PARVB: variants seen among roughly 807,000 people sequenced by gnomAD.
PARVB encodes the protein parvin beta.
In PARVB, 46 loss-of-function variants were observed where a neutral mutation model predicts 47.0. The ratio of observed to expected loss-of-function variants is 0.98; its 90% CI spans 0.77 to 1.25. PARVB has a LOEUF of 1.25. PARVB is among the 50% of genes most tolerant of loss of function. PARVB has a pLI of 0.00. For missense variants in PARVB, 473 were observed against 471.6 expected (o/e 1.00, Z -0.03); for synonymous variants, 196 against 196.3 (o/e 1.00, Z 0.01).
chr22:44,106,135 T>TG, intron 3 of PARVB: 1 of 140,464 alleles, frequency 7.1e-6, no homozygotes, highest in African/African-American at 2.8e-5. Flanking sequence ...CCCAGCCAGA[T>TG]GTGTTTTTTT....
Position 44,024,426 on chromosome 22 carries a change from G to A in PARVB, c.87G>A (p.Leu29=). ...TCCTGGGCAAGCTGGGCGGCACCCT[G>A]GCCAGGAAGCGGAGGGCGCGCGAGG... ...ESFLGKLGGT[L]ARKRRAREVS... is the part of the protein sequence containing the mutation. Residue 29 remains leucine, a synonymous_variant, in exon 1 of 13, where the codon CTG becomes CTA. Coordinates refer to ENST00000338758, the MANE Select transcript of PARVB (RefSeq NM_013327.5). 2 of 1,233,118 alleles carry A rather than the reference G, an allele frequency of 1.6e-6. No homozygotes were observed. The highest frequency in any genetic ancestry group is 1.0e-6 in the Non-Finnish European group (1 of 976,444). 76.4% of individuals were successfully genotyped at this position (1,233,118 alleles called of 1,614,324 possible).
Position 44,137,455 on chromosome 22 carries a change from G to A in PARVB, c.692+937G>A, listed in dbSNP as rs117014006. ...TTCAGCAGTAGGAGAAGGGCTGCTC[G>A]TGGGGAACTGGGATTGGGCTGGTGT... On this transcript the variant is annotated intron_variant, in intron 7 of 12. Transcript: ENST00000338758. 2.3e-3 allele frequency among the ~76,000 whole-genome samples: 356 copies of A among 152,344 alleles called. 1 individual carries two copies. Among genetic ancestry groups the A allele is most frequent in the East Asian group, 0.021 (108 of 5,184 alleles).
At chr22:44,154,831 G>T (rs1569159095) in intron 10 of PARVB, among the ~76,000 whole-genome samples, 1 of 148,106 alleles carries the variant, frequency 6.8e-6, no homozygotes, top group Non-Finnish European at 1.5e-5. Flanking sequence ...TGTGTGGTGT[G>T]TGTTGTGTGT....
intron 10 of PARVB, chr22:44,152,013 A>G: frequency 5.9e-6 from 1 of 169,620 alleles, no homozygotes; most frequent in East Asian, 1.5e-4. Context: ...TCCCCCTTTT[A>G]TCAGGACGTG....
At chr22:44,082,173 G>A (rs2051917551) in intron 1 of PARVB, among the ~76,000 whole-genome samples, 1 of 152,236 alleles carries the variant, frequency 6.6e-6, no homozygotes, top group Non-Finnish European at 1.5e-5. Context: ...CAAGGTGGGG[G>A]CACTGGGCGG....
chr22:44,117,866 CT>C (rs1437219552), intron 3 of PARVB, among the ~76,000 whole-genome samples: 2 of 152,148 alleles, frequency 1.3e-5, no homozygotes, highest in African/African-American at 4.8e-5. Context: ...AAATCACACA[CT>C]CTGTGCCATT....
intron 1 of PARVB, among the ~76,000 whole-genome samples, chr22:44,071,456 AAGG>A (rs1254490815): frequency 1.3e-5 from 2 of 152,150 alleles, no homozygotes; most frequent in South Asian, 2.1e-4. Context: ...CCACCCACGA[AAGG>A]AGGAGGTCTG....
intron 1 of PARVB, chr22:44,081,580 C>T: frequency 1.0e-6 from 1 of 985,270 alleles, no homozygotes; most frequent in Non-Finnish European, 1.2e-6. Context: ...ACGTGCTTCT[C>T]CAGACTTAGC....
intron 1 of PARVB, among the ~76,000 whole-genome samples, chr22:44,055,656 ATCTC>A (rs3083345): frequency 0.087 from 12,826 of 148,246 alleles, 1,000 homozygotes; most frequent in African/African-American, 0.2. Context: ...GTCTCTATCC[ATCTC>A]TCTCTCTCTC....
At chr22:44,112,958 C>T (rs9614335) in intron 3 of PARVB, 2 of 19,112 alleles carry the variant, frequency 1.0e-4, no homozygotes, top group African/African-American at 6.1e-4. Context: ...TACGTTGTTA[C>T]TAAGTAAGGC....
At chr22:44,132,144 G>A (rs1370719528) in intron 5 of PARVB, among the ~76,000 whole-genome samples, 1 of 152,198 alleles carries the variant, frequency 6.6e-6, no homozygotes, top group Non-Finnish European at 1.5e-5. Context: ...TGGAAGCAGG[G>A]CCATGAGGGT....
chr22:44,103,055 G>C lies in PARVB; in HGVS notation c.273+2932G>C, dbSNP rs1434484588. 1 of 152,436 alleles carries C rather than the reference G, an allele frequency of 6.6e-6. No individual in the cohort carries two copies. Among genetic ancestry groups the C allele is most frequent in the African/African-American group, 2.4e-5 (1 of 41,438 alleles). The allele number at this position is 152,436 out of a possible 1,614,324, so 9.4% of individuals were successfully genotyped here. ...GATTTGATTTATGTTCCTCCTGGAT[G>C]TCTGCAGTGCCACCCACCCCTGCCT... On this transcript the variant is annotated intron_variant, in intron 3 of 12. Transcript: ENST00000338758. The surrounding 1 kb of genome is among the most constrained non-coding windows in gnomAD (Gnocchi z 4.6).
intron 1 of PARVB, among the ~76,000 whole-genome samples, chr22:44,070,984 CCCCCGGCCCCTGCCCG>C (rs145475433): frequency 0.018 from 2,720 of 152,176 alleles, 50 homozygotes; most frequent in African/African-American, 0.051. Context: ...AGACCAGGAC[CCCCCGGCCCCTGCCCG>C]CCCGCCTTGG....
intron 1 of PARVB, among the ~76,000 whole-genome samples, chr22:44,078,406 C>A (rs1257562936): frequency 6.6e-6 from 1 of 152,202 alleles, no homozygotes; most frequent in Non-Finnish European, 1.5e-5. Context: ...CCCCTCTTCT[C>A]TGCCACCATC....
At chr22:44,055,167 C>G (rs930535956) in intron 1 of PARVB, among the ~76,000 whole-genome samples, 1 of 152,090 alleles carries the variant, frequency 6.6e-6, no homozygotes, top group African/African-American at 2.4e-5. Context: ...CACGTTCCTG[C>G]TATCCAGCTT....
At chr22:44,086,523 C>A (rs551497956) in intron 1 of PARVB, among the ~76,000 whole-genome samples, 1 of 152,280 alleles carries the variant, frequency 6.6e-6, no homozygotes, top group African/African-American at 2.4e-5. Context: ...CGTGATGTGC[C>A]AGCAACAGCT....
At chr22:44,070,995 T>G (rs377260642) in intron 1 of PARVB, among the ~76,000 whole-genome samples, 2 of 146,844 alleles carry the variant, frequency 1.4e-5, no homozygotes, top group East Asian at 3.9e-4. Flanking sequence ...CCCCGGCCCC[T>G]GCCCGCCCGC....
chr22:44,164,296 C>T lies in PARVB; in HGVS notation c.1018+366C>T, dbSNP rs560902991. Among the ~76,000 whole-genome samples the T allele has an allele frequency of 2.0e-3, 305 of 152,306 alleles. 1 individual carries two copies. The highest frequency in any genetic ancestry group is 7.2e-3 in the African/African-American group (301 of 41,586). ...CTGTAATGACTGTTGGGCTGGAGGT[C>T]CCCTGATGCTCAGCCAAAGGCAGTA... On this transcript the variant is annotated intron_variant, in intron 12 of 12. Transcript: ENST00000338758.
chr22:44,116,810 G>A (rs1455280057), intron 3 of PARVB, among the ~76,000 whole-genome samples: 8 of 152,128 alleles, frequency 5.3e-5, no homozygotes, highest in African/African-American at 1.9e-4. Context: ...CAGGTAGTGA[G>A]GGAGGGGGTG....
Sources: gnomAD v4.1 joint callset for allele counts (sites outside exome capture counted in the v4.1 genomes callset) on GRCh38, gnomAD v4.1.1 for gene constraint, Gnocchi (gnomAD v3.1) non-coding constraint, MANE v1.5 for transcripts, NCBI Gene and HGNC (gene_info 2026-07-23, HGNC 2026-07-21) for gene names.